PCDH9: variants seen among roughly 807,000 people sequenced by gnomAD.
The protein encoded by PCDH9 is protocadherin 9, also known as protocadherin-9.
PCDH9 carries 24 observed loss-of-function variants against 70.6 expected under a neutral mutation model. The ratio of observed to expected loss-of-function variants is 0.34; its 90% CI spans 0.25 to 0.48. PCDH9 has a LOEUF of 0.48. Among genes scored for constraint, PCDH9 ranks in the 20% least tolerant of loss-of-function variants. The probability of loss-of-function intolerance (pLI) is 0.99; values close to 1 mark genes in which losing one functional copy is unlikely to be tolerated. For synonymous variants in PCDH9, 562 were observed against 558.5 expected, an observed-to-expected ratio of 1.01 and a Z score of -0.09; for missense variants, 1,281 against 1,503.6, an observed-to-expected ratio of 0.85 and a Z score of 2.45.
intron 4 of PCDH9, among the ~76,000 whole-genome samples, chr13:66,380,638 G>A (rs1383546603): frequency 6.7e-6 from 1 of 148,876 alleles, no homozygotes; most frequent in Non-Finnish European, 1.5e-5. Context: ...CCGCCTCCCG[G>A]GTTCACGCCA....
At chr13:66,421,649 G>A (rs968621380) in intron 4 of PCDH9, among the ~76,000 whole-genome samples, 3 of 152,116 alleles carry the variant, frequency 2.0e-5, no homozygotes, top group African/African-American at 7.2e-5. Flanking sequence ...CCTTACAAGA[G>A]CTCCTGAAGA....
At chr13:66,853,759 GA>G (rs1242675926) in intron 3 of PCDH9, among the ~76,000 whole-genome samples, 5 of 150,686 alleles carry the variant, frequency 3.3e-5, no homozygotes, top group Admixed American at 3.3e-4. Context: ...TTTTTTTCAG[GA>G]GACAGGGTCT....
intron 4 of PCDH9, among the ~76,000 whole-genome samples, chr13:66,357,622 C>T (rs1956405772): frequency 6.6e-6 from 1 of 151,984 alleles, no homozygotes; most frequent in Admixed American, 6.6e-5. Context: ...TTCTTAGTTG[C>T]TTAATTGGAT....
rs889721476 is a variant in PCDH9 at position 66,575,201 on chromosome 13, A to ATTGTTG, written c.3340+56003_3340+56008dup. Among the ~76,000 whole-genome samples the ATTGTTG allele has an allele frequency of 8.6e-5, 13 of 151,916 alleles. 2 individuals carry two copies. The highest frequency in any genetic ancestry group is 2.9e-4 in the African/African-American group (12 of 41,438). On this transcript the variant is annotated intron_variant, in intron 4 of 4. Transcript: ENST00000377865. ...AAAAAAAATACATATATATATATTT[A>ATTGTTG]TTGTTGTTGTTGTTGTTGTTAGGAA...
intron 2 of PCDH9, among the ~76,000 whole-genome samples, chr13:67,011,217 T>C (rs2084445616): frequency 1.3e-5 from 2 of 151,852 alleles, no homozygotes; most frequent in African/African-American, 2.4e-5. Flanking sequence ...CCAGTACTTA[T>C]TAGGCACACA....
intron 4 of PCDH9, among the ~76,000 whole-genome samples, chr13:66,411,480 G>T (rs1957368508): frequency 6.6e-6 from 1 of 152,030 alleles, no homozygotes; most frequent in Non-Finnish European, 1.5e-5. Flanking sequence ...TAGATATGGG[G>T]TCTCACAATA....
chr13:67,189,807 A>G (rs932770158), intron 2 of PCDH9, among the ~76,000 whole-genome samples: 6 of 151,902 alleles, frequency 3.9e-5, no homozygotes, highest in African/African-American at 1.4e-4. Context: ...TAGAGAGAAA[A>G]CTTAGCAAGA....
chr13:66,969,689 CTTTAACCTAAAGCATCTAAAATGGGATTT>C (rs1352932709), intron 2 of PCDH9, among the ~76,000 whole-genome samples: 1 of 151,946 alleles, frequency 6.6e-6, no homozygotes, highest in Non-Finnish European at 1.5e-5. Flanking sequence ...AACGTTTGTG[CTTTAACCTAAAGCATCTAAAATGGGATTT>C]TTTATCAAAA....
chr13:66,619,582 A>G (rs1403746542), intron 4 of PCDH9, among the ~76,000 whole-genome samples: 2 of 152,200 alleles, frequency 1.3e-5, no homozygotes, highest in Non-Finnish European at 2.9e-5. Context: ...ACCTATTGAT[A>G]AGAATAATGA....
At chr13:66,316,590 A>T (rs1955655277) in intron 4 of PCDH9, among the ~76,000 whole-genome samples, 1 of 152,144 alleles carries the variant, frequency 6.6e-6, no homozygotes. Flanking sequence ...TATGCCTGGA[A>T]TATTCTTCTC....
intron 4 of PCDH9, among the ~76,000 whole-genome samples, chr13:66,554,533 G>C (rs923424413): frequency 2.6e-5 from 4 of 151,886 alleles, no homozygotes; most frequent in African/African-American, 9.7e-5. Context: ...TATTTTTTCT[G>C]AATTAAAGTA....
At chr13:66,578,434 T>C (rs918031461) in intron 4 of PCDH9, among the ~76,000 whole-genome samples, 5 of 152,094 alleles carry the variant, frequency 3.3e-5, no homozygotes, top group African/African-American at 1.2e-4. Flanking sequence ...ACAGGATGGC[T>C]GAGAGGATGA....
intron 4 of PCDH9, among the ~76,000 whole-genome samples, chr13:66,370,612 G>C (rs1956632117): frequency 6.6e-6 from 1 of 151,168 alleles, no homozygotes; most frequent in African/African-American, 2.4e-5. Flanking sequence ...CCAGGCTCAA[G>C]GGATCCTCCC....
At chr13:66,528,683 G>T (rs1454002172) in intron 4 of PCDH9, among the ~76,000 whole-genome samples, 1 of 152,096 alleles carries the variant, frequency 6.6e-6, no homozygotes, top group Non-Finnish European at 1.5e-5. Context: ...GCAATTGCAA[G>T]CAAAATTCTC....
chr13:66,871,855 CT>C (rs1011673538), intron 3 of PCDH9, among the ~76,000 whole-genome samples: 5 of 151,968 alleles, frequency 3.3e-5, no homozygotes, highest in Admixed American at 1.3e-4. Flanking sequence ...TTCTTATTCT[CT>C]TTGTCTGAAA....
chr13:66,425,807 G>A (rs1203545303), intron 4 of PCDH9, among the ~76,000 whole-genome samples: 1 of 151,546 alleles, frequency 6.6e-6, no homozygotes, highest in African/African-American at 2.4e-5. Flanking sequence ...GGATGAATTT[G>A]GACATCTGTC....
At chr13:66,597,467 G>A (rs1002664226) in intron 4 of PCDH9, among the ~76,000 whole-genome samples, 7 of 151,562 alleles carry the variant, frequency 4.6e-5, no homozygotes, top group East Asian at 1.9e-4. Flanking sequence ...TTGCCAAGAC[G>A]ACACAATGGG....
chr13:67,199,441 G>C (rs1405881567), intron 2 of PCDH9, among the ~76,000 whole-genome samples: 2 of 151,634 alleles, frequency 1.3e-5, no homozygotes, highest in African/African-American at 2.4e-5. Flanking sequence ...GTATGTATCA[G>C]AATATTAATA....
intron 4 of PCDH9, among the ~76,000 whole-genome samples, chr13:66,464,730 G>C (rs1239075364): frequency 6.6e-6 from 1 of 151,914 alleles, no homozygotes; most frequent in African/African-American, 2.4e-5. Context: ...TTGCAGGAAA[G>C]TGCATTAGCA....
Sources: gnomAD v4.1 joint callset for allele counts (sites outside exome capture counted in the v4.1 genomes callset) on GRCh38, gnomAD v4.1.1 for gene constraint, MANE v1.5 for transcripts, NCBI Gene and HGNC (gene_info 2026-07-23, HGNC 2026-07-21) for gene names.